Variants in NRXN1 observed in about 807,000 individuals in gnomAD.
NRXN1 encodes neurexin 1, also known as neurexin-1.
NRXN1 carries 39 observed loss-of-function variants against 150.9 expected under a neutral mutation model. The observed-to-expected ratio is 0.26, with a 90% confidence interval of 0.20 to 0.34. The LOEUF (loss-of-function observed/expected upper bound fraction) is 0.34. Among genes scored for constraint, NRXN1 ranks in the 10% least tolerant of loss-of-function variants. The pLI is 1.00. For missense variants in NRXN1, 1,815 were observed against 1,949.9 expected, an observed-to-expected ratio of 0.93 and a Z score of 1.30; for synonymous variants, 924 against 757.0, an observed-to-expected ratio of 1.22 and a Z score of -3.62.
At chr2:50,232,076 G>T (rs2064993529) in intron 18 of NRXN1, among the ~76,000 whole-genome samples, 1 of 152,036 alleles carries the variant, frequency 6.6e-6, no homozygotes, top group African/African-American at 2.4e-5. Flanking sequence ...AGTTAAAACT[G>T]TAAGGAAGAG....
chr2:50,239,465 C>T (rs1215160278), intron 17 of NRXN1, among the ~76,000 whole-genome samples: 2 of 140,914 alleles, frequency 1.4e-5, no homozygotes, highest in East Asian at 4.3e-4. Flanking sequence ...AACAACATTG[C>T]ATATTAATTT....
intron 2 of NRXN1, among the ~76,000 whole-genome samples, chr2:50,968,527 G>A (rs1261804262): frequency 6.6e-6 from 1 of 151,824 alleles, no homozygotes; most frequent in Non-Finnish European, 1.5e-5. Context: ...GTGGTAATCT[G>A]GATCCTGGAT....
intron 2 of NRXN1, among the ~76,000 whole-genome samples, chr2:50,957,195 T>C (rs758662305): frequency 3.3e-5 from 5 of 152,148 alleles, no homozygotes; most frequent in Non-Finnish European, 7.3e-5. Flanking sequence ...AAGAACCTGT[T>C]GGTCAAGATG....
At chr2:50,035,458 A>G (rs970235073) in intron 21 of NRXN1, among the ~76,000 whole-genome samples, 1 of 152,122 alleles carries the variant, frequency 6.6e-6, no homozygotes, top group African/African-American at 2.4e-5. Context: ...CAGCTGTTTA[A>G]TTAAGCAGAT....
chr2:50,951,832 A>C (rs528357108), intron 2 of NRXN1, among the ~76,000 whole-genome samples: 1 of 151,140 alleles, frequency 6.6e-6, no homozygotes, highest in Admixed American at 6.6e-5. Flanking sequence ...CCATTATGGA[A>C]TTATAGTGAT....
At chr2:50,182,268 A>G (rs935027215) in intron 18 of NRXN1, among the ~76,000 whole-genome samples, 2 of 151,816 alleles carry the variant, frequency 1.3e-5, no homozygotes, top group African/African-American at 4.8e-5. Context: ...ATTCTTTCCT[A>G]TTTCTATAAG....
chr2:50,970,872 A>G (rs1291958201), intron 2 of NRXN1, among the ~76,000 whole-genome samples: 2 of 151,914 alleles, frequency 1.3e-5, no homozygotes, highest in Non-Finnish European at 2.9e-5. Context: ...CACATTATCC[A>G]TTATCTTTGT....
At chr2:50,943,310 G>A (rs576789197) in intron 2 of NRXN1, among the ~76,000 whole-genome samples, 1 of 152,246 alleles carries the variant, frequency 6.6e-6, no homozygotes, top group South Asian at 2.1e-4. Flanking sequence ...TAGTACAAAA[G>A]TAATGGTGGT....
intron 18 of NRXN1, among the ~76,000 whole-genome samples, chr2:50,234,581 C>A (rs2065249647): frequency 6.6e-6 from 1 of 152,092 alleles, no homozygotes; most frequent in South Asian, 2.1e-4. Flanking sequence ...CTAATCACCT[C>A]TTCTAGGCAA....
intron 17 of NRXN1, among the ~76,000 whole-genome samples, chr2:50,373,090 C>G (rs1054024377): frequency 6.6e-6 from 1 of 151,866 alleles, no homozygotes; most frequent in East Asian, 1.9e-4. Flanking sequence ...CTCTACTTTA[C>G]TCTGTGTTTT....
chr2:50,517,595 G>C (rs1168241084), intron 12 of NRXN1, among the ~76,000 whole-genome samples: 1 of 152,100 alleles, frequency 6.6e-6, no homozygotes, highest in Non-Finnish European at 1.5e-5. Flanking sequence ...TGGAGAACTT[G>C]AGTAACTCAG....
chr2:49,938,792 C>A (rs982154422), intron 22 of NRXN1, among the ~76,000 whole-genome samples: 1 of 152,168 alleles, frequency 6.6e-6, no homozygotes, highest in Admixed American at 6.5e-5. Context: ...GCTACTACAG[C>A]AAAGAGGGTC....
intron 5 of NRXN1, among the ~76,000 whole-genome samples, chr2:50,782,786 A>C (rs1430965594): frequency 6.6e-6 from 1 of 152,110 alleles, no homozygotes; most frequent in Non-Finnish European, 1.5e-5. Context: ...AACAGTAGTG[A>C]CTCATCCTTT....
At chr2:50,211,044 T>A (rs1262024762) in intron 18 of NRXN1, among the ~76,000 whole-genome samples, 2 of 151,652 alleles carry the variant, frequency 1.3e-5, no homozygotes, top group Non-Finnish European at 3.0e-5. Flanking sequence ...ATAATCTCTA[T>A]CCATTTTTCT....
chr2:50,298,925 T>C (rs544407248), intron 17 of NRXN1, among the ~76,000 whole-genome samples: 326 of 152,298 alleles, frequency 2.1e-3, no homozygotes, highest in African/African-American at 7.4e-3. Context: ...GTACATGCTC[T>C]CTGCGGATAG....
At chr2:50,968,133 A>T (rs1694401630) in intron 2 of NRXN1, among the ~76,000 whole-genome samples, 1 of 152,102 alleles carries the variant, frequency 6.6e-6, no homozygotes, top group Non-Finnish European at 1.5e-5. Flanking sequence ...AATGATGGCA[A>T]AACTTTTCAG....
intron 2 of NRXN1, among the ~76,000 whole-genome samples, chr2:50,959,112 T>A (rs1414808214): frequency 6.6e-6 from 1 of 152,028 alleles, no homozygotes; most frequent in African/African-American, 2.4e-5. Flanking sequence ...CAAGTGTCGG[T>A]GAAAATGTGG....
At chr2:50,669,798 T>C (rs1443480757) in intron 5 of NRXN1, among the ~76,000 whole-genome samples, 1 of 149,042 alleles carries the variant, frequency 6.7e-6, no homozygotes, top group East Asian at 2.0e-4. Flanking sequence ...TTTCCACAGC[T>C]ACTCAAAATA....
intron 5 of NRXN1, among the ~76,000 whole-genome samples, chr2:50,872,188 T>C (rs988747221): frequency 6.6e-6 from 1 of 151,918 alleles, no homozygotes; most frequent in Admixed American, 6.6e-5. Flanking sequence ...TTATATATAA[T>C]GTGAGTCATT....
Sources: allele counts gnomAD v4.1 joint callset (sites outside exome capture counted in the v4.1 genomes callset), GRCh38; gene constraint gnomAD v4.1.1; transcripts MANE v1.5; gene names NCBI Gene and HGNC (gene_info 2026-07-23, HGNC 2026-07-21).